The following STK32B variants were observed in gnomAD, a reference collection of about 807,000 sequenced individuals.
STK32B encodes serine/threonine-protein kinase 32B.
A neutral mutation model predicts 52.6 loss-of-function variants in STK32B; 43 were observed. The observed-to-expected ratio is 0.82, with a 90% confidence interval of 0.64 to 1.05. The LOEUF is 1.05. Ranked by LOEUF, STK32B falls within the 50% of genes least tolerant of loss-of-function variation. The pLI is 0.00. For missense variants in STK32B, 621 were observed against 534.6 expected (o/e 1.16, Z -1.59); for synonymous variants, 238 against 204.3 (o/e 1.17, Z -1.41).
Position 5,351,934 on chromosome 4 carries a change from G to A in STK32B, c.434+20541G>A, listed in dbSNP as rs530587971. Among the ~76,000 whole-genome samples the A allele has an allele frequency of 3.9e-5, 6 of 152,114 alleles. No individual in the cohort carries two copies. The South Asian group carries it at 1.2e-3, about 32-fold the overall frequency. ...GAAAACCTGGGCAGACCAACAGCAA[G>A]TAATGATATTGAATTAGTAATAAAA... On this transcript the variant is annotated intron_variant, in intron 4 of 11. Transcript: ENST00000282908.
At chr4:5,111,088 G>C (rs576238699) in intron 1 of STK32B, among the ~76,000 whole-genome samples, 1 of 152,240 alleles carries the variant, frequency 6.6e-6, no homozygotes, top group African/African-American at 2.4e-5. Flanking sequence ...AGTCAGCATG[G>C]CTTTTATTAA....
intron 3 of STK32B, among the ~76,000 whole-genome samples, chr4:5,317,260 ACATATATAT>A: frequency 3.0e-5 from 1 of 33,376 alleles, no homozygotes; most frequent in African/African-American, 2.0e-4. Context: ...ATAACATATA[ACATATATAT>A]AATATATAAC....
intron 3 of STK32B, among the ~76,000 whole-genome samples, chr4:5,317,185 T>TAATATACATATAACATATATATAATATAC (rs1560313119): frequency 3.6e-5 from 2 of 56,080 alleles, no homozygotes; most frequent in African/African-American, 3.0e-4. Flanking sequence ...ATAATATATA[T>TAATATACATATAACATATATATAATATAC]ATATAACATA....
chr4:5,444,013 A>G (rs1715081519), intron 6 of STK32B, among the ~76,000 whole-genome samples: 2 of 152,172 alleles, frequency 1.3e-5, no homozygotes, highest in Admixed American at 6.5e-5. Flanking sequence ...AAGCTGTCAG[A>G]CAGGGACATT....
At chr4:5,111,212 C>G (rs1286855910) in intron 1 of STK32B, among the ~76,000 whole-genome samples, 2 of 152,072 alleles carry the variant, frequency 1.3e-5, no homozygotes, top group East Asian at 3.9e-4. Context: ...AAAGATTTCT[C>G]AAAGAACTAA....
chr4:5,341,696 G>C (rs1312568359), intron 4 of STK32B, among the ~76,000 whole-genome samples: 1 of 152,154 alleles, frequency 6.6e-6, no homozygotes, highest in Non-Finnish European at 1.5e-5. Context: ...ATTAGCTCAT[G>C]GTTCTGCGGG....
chr4:5,397,138 T>G (rs1239721328), intron 4 of STK32B, among the ~76,000 whole-genome samples: 1 of 152,272 alleles, frequency 6.6e-6, no homozygotes, highest in Non-Finnish European at 1.5e-5. Flanking sequence ...TAATATTTGA[T>G]AAACTCAGGA....
intron 4 of STK32B, among the ~76,000 whole-genome samples, chr4:5,362,053 C>T (rs927534522): frequency 5.9e-5 from 9 of 152,060 alleles, no homozygotes; most frequent in Non-Finnish European, 1.3e-4. Flanking sequence ...CTAAATTTAT[C>T]TCTGGAATAG....
intron 3 of STK32B, among the ~76,000 whole-genome samples, chr4:5,239,838 A>G (rs1041482884): frequency 5.3e-5 from 8 of 151,996 alleles, no homozygotes; most frequent in Admixed American, 4.6e-4. Context: ...CCAACTTTAC[A>G]TCTGGACCCC....
At chr4:5,302,518 A>G (rs1729631776) in intron 3 of STK32B, among the ~76,000 whole-genome samples, 2 of 152,048 alleles carry the variant, frequency 1.3e-5, no homozygotes, top group Non-Finnish European at 2.9e-5. Context: ...ACCAAAATTT[A>G]TTTTTCCCTG....
chr4:5,491,756 T>G (rs914700271), intron 11 of STK32B, among the ~76,000 whole-genome samples: 1 of 151,782 alleles, frequency 6.6e-6, no homozygotes, highest in Non-Finnish European at 1.5e-5. Context: ...AATTTTTGTA[T>G]AAGGTGTAAG....
In STK32B at chr4:5,330,911, G is replaced by A. The variant is rs146192281; in HGVS notation, c.261-309G>A. Among the ~76,000 whole-genome samples, 152 of 152,286 alleles carry A rather than the reference G, an allele frequency of 1.0e-3. 1 individual carries two copies. Among genetic ancestry groups the A allele is most frequent in the African/African-American group, 3.1e-3 (130 of 41,560 alleles). On this transcript the variant is annotated intron_variant, in intron 3 of 11. Transcript: ENST00000282908. ...TCTAATTAAAGCACCTGCTAAAAAC[G>A]GATGAAGAAACATGCTGGAGTCCAG...
rs75093216 is a variant in STK32B, at chr4:5,474,858, C to T, written c.1106+6788C>T. ...TCTGACTTGAATGGTGTCTCTGAAA[C>T]TCAGAAGTCTAGAGGGTTTACTGCC... On this transcript the variant is annotated intron_variant, in intron 11 of 11. Coordinates refer to ENST00000282908, the MANE Select transcript of STK32B (RefSeq NM_018401.3). Among the ~76,000 whole-genome samples the T allele has an allele frequency of 4.2e-3, 635 of 152,268 alleles. 4 individuals are homozygous for T. Among genetic ancestry groups the T allele is most frequent in the African/African-American group, 0.015 (613 of 41,552 alleles).
chr4:5,331,527 A>G (rs1284557359), intron 4 of STK32B, 134 bp downstream of exon 4: 4 of 914,526 alleles, frequency 4.4e-6, no homozygotes, highest in Non-Finnish European at 6.3e-6. Context: ...GGAAAAAAGC[A>G]GAACACTTTT....
At chr4:5,184,938 CTG>C (rs2108757022) in intron 3 of STK32B, among the ~76,000 whole-genome samples, 1 of 152,300 alleles carries the variant, frequency 6.6e-6, no homozygotes, top group East Asian at 1.9e-4. Flanking sequence ...TGAGGCGTGC[CTG>C]TGTTAGCACT....
At chr4:5,487,867 CCTT>C (rs1341435105) in intron 11 of STK32B, among the ~76,000 whole-genome samples, 1 of 152,106 alleles carries the variant, frequency 6.6e-6, no homozygotes, top group East Asian at 1.9e-4. Flanking sequence ...GCTTGGTGAA[CCTT>C]CTTTGTGGCC....
chr4:5,025,086 T>G, the STK32B span, among the ~76,000 whole-genome samples: 7 of 152,278 alleles, frequency 4.6e-5, no homozygotes, highest in African/African-American at 1.7e-4. Context: ...CCCAGGCGCC[T>G]CTGCAGAGAC....
At chr4:5,438,438 C>T (rs559067307) in intron 6 of STK32B, among the ~76,000 whole-genome samples, 101 of 152,270 alleles carry the variant, frequency 6.6e-4, no homozygotes, top group African/African-American at 2.4e-3. Context: ...CAAAAAGATG[C>T]TGAAAATACA....
chr4:5,357,392 C>T (rs1389659015), intron 4 of STK32B, among the ~76,000 whole-genome samples: 1 of 152,062 alleles, frequency 6.6e-6, no homozygotes, highest in East Asian at 1.9e-4. Flanking sequence ...CCTAGGGAGG[C>T]AGGTGTGTGA....
Sources: gnomAD v4.1 joint callset for allele counts (sites outside exome capture counted in the v4.1 genomes callset) on GRCh38, gnomAD v4.1.1 for gene constraint, MANE v1.5 for transcripts, NCBI Gene and HGNC (gene_info 2026-07-23, HGNC 2026-07-21) for gene names.